The following HEPH variants were observed in gnomAD, a reference collection of about 807,000 sequenced individuals.
HEPH encodes hephaestin.
Under a neutral mutation model 80.8 loss-of-function variants are expected in HEPH, and 69 were observed. That is an observed-to-expected ratio of 0.85 (90% CI 0.70 to 1.04). The LOEUF is 1.04. HEPH is among the 50% of genes least tolerant of loss of function. The pLI is 0.00. For missense variants in HEPH, 1,115 were observed against 891.3 expected, an observed-to-expected ratio of 1.25 and a Z score of -3.20; for synonymous variants, 431 against 322.8, an observed-to-expected ratio of 1.34 and a Z score of -3.60.
chrX:66,262,188 A>G (rs2091388984), intron 19 of HEPH, among the ~76,000 whole-genome samples: 1 of 112,368 alleles, frequency 8.9e-6, no homozygotes, highest in Non-Finnish European at 1.9e-5. Flanking sequence ...AGAGTTGAAA[A>G]GACAGAGGGA....
chrX:66,237,909 A>G (rs2090424696), intron 15 of HEPH, among the ~76,000 whole-genome samples: 1 of 111,826 alleles, frequency 8.9e-6, no homozygotes, highest in African/African-American at 3.3e-5. Flanking sequence ...GTTGGTTTAA[A>G]GTCTGTTTTG....
At chrX:66,205,417 G>A (rs1044940816) in intron 13 of HEPH, among the ~76,000 whole-genome samples, 1 of 111,515 alleles carries the variant, frequency 9.0e-6, no homozygotes, top group African/African-American at 3.3e-5. Context: ...TGCTGAAAAG[G>A]ACATAATTTC....
At chrX:66,227,818 G>A (rs754785819) in intron 15 of HEPH, among the ~76,000 whole-genome samples, 2 of 111,206 alleles carry the variant, frequency 1.8e-5, no homozygotes, top group Non-Finnish European at 3.8e-5. Flanking sequence ...ATAGTTTAAA[G>A]TTGGGTAATG....
chrX:66,224,269 C>T (rs1167217222), intron 15 of HEPH, among the ~76,000 whole-genome samples: 1 of 111,200 alleles, frequency 9.0e-6, no homozygotes, highest in Non-Finnish European at 1.9e-5. Context: ...TTATCCTTTG[C>T]TATTAATCAG....
downstream of HEPH, chrX:66,268,861 A>T (rs1432429834): frequency 8.9e-6 from 1 of 111,825 alleles, no homozygotes; most frequent in Non-Finnish European, 1.9e-5. Flanking sequence ...ATCAGTGTCA[A>T]CACATCAGTG....
chrX:66,246,464 T>C (rs978687498), intron 15 of HEPH, among the ~76,000 whole-genome samples: 6 of 111,291 alleles, frequency 5.4e-5, no homozygotes, highest in Non-Finnish European at 7.5e-5. Flanking sequence ...TTAGTCTTTA[T>C]TGGGGCTGTG....
intron 15 of HEPH, among the ~76,000 whole-genome samples, chrX:66,212,252 A>G (rs2089172734): frequency 9.2e-6 from 1 of 109,176 alleles, no homozygotes; most frequent in African/African-American, 3.3e-5. Context: ...CTCCTGTCAA[A>G]TGAATACTTT....
intron 4 of HEPH, among the ~76,000 whole-genome samples, chrX:66,180,677 T>G (rs1240598598): frequency 1.2e-5 from 1 of 83,056 alleles, no homozygotes; most frequent in Admixed American, 1.5e-4. Context: ...ATTATTTGTT[T>G]GTACAGCTGT....
chrX:66,229,997 T>C (rs1324485159), intron 15 of HEPH, among the ~76,000 whole-genome samples: 1 of 95,117 alleles, frequency 1.1e-5, no homozygotes, highest in Non-Finnish European at 2.1e-5. Flanking sequence ...CATTGTTCAA[T>C]TCCCACCTAT....
intron 20 of HEPH, among the ~76,000 whole-genome samples, chrX:66,264,492 T>A (rs1254126981): frequency 1.8e-5 from 2 of 109,362 alleles, no homozygotes; most frequent in Non-Finnish European, 3.8e-5. Context: ...CCTTGAATAC[T>A]GTAGAGATTA....
At chrX:66,190,066 C>T (rs1296507258) in intron 6 of HEPH, 128 bp downstream of exon 6, 1 of 681,391 alleles carries the variant, frequency 1.5e-6, no homozygotes, top group Non-Finnish European at 2.1e-6. Context: ...TAAAGGATAG[C>T]ACACTAGATT....
chrX:66,259,212 C>A (rs1438490665), intron 18 of HEPH, among the ~76,000 whole-genome samples: 1 of 111,744 alleles, frequency 8.9e-6, no homozygotes, highest in Non-Finnish European at 1.9e-5. Flanking sequence ...GCCCATTTAT[C>A]AGTAAGGAGA....
chrX:66,204,982 T>C (rs192629993), intron 13 of HEPH, among the ~76,000 whole-genome samples: 1 of 112,082 alleles, frequency 8.9e-6, no homozygotes, highest in Non-Finnish European at 1.9e-5. Flanking sequence ...GGGTATATTG[T>C]GCAATGCTAC....
chrX:66,173,978 T>G (rs1257394753), intron 4 of HEPH, among the ~76,000 whole-genome samples, 177 bp downstream of exon 4: 1 of 110,721 alleles, frequency 9.0e-6, no homozygotes, highest in Non-Finnish European at 1.9e-5. Flanking sequence ...TTTTTTGCAA[T>G]TTCATTACTT....
At chrX:66,255,615 T>G (rs1363874637) in intron 16 of HEPH, among the ~76,000 whole-genome samples, 1 of 111,577 alleles carries the variant, frequency 9.0e-6, no homozygotes, top group Non-Finnish European at 1.9e-5. Context: ...CCTACCACAT[T>G]TTAGGCATTT....
intron 15 of HEPH, among the ~76,000 whole-genome samples, chrX:66,250,888 G>A (rs2090976178): frequency 1.8e-5 from 2 of 111,564 alleles, no homozygotes; most frequent in Non-Finnish European, 3.8e-5. Flanking sequence ...TCTGTATAGA[G>A]GCATTGATTG....
At chrX:66,187,145 T>TG (rs1569302447) in intron 4 of HEPH, among the ~76,000 whole-genome samples, 1 of 110,258 alleles carries the variant, frequency 9.1e-6, no homozygotes, top group Non-Finnish European at 1.9e-5. Context: ...TCTTATTTTT[T>TG]TTGTTGTTGT....
intron 15 of HEPH, among the ~76,000 whole-genome samples, chrX:66,216,171 A>G (rs1439777953): frequency 9.0e-6 from 1 of 111,363 alleles, no homozygotes; most frequent in Non-Finnish European, 1.9e-5. Context: ...CAACCTGACA[A>G]AACTGAACAC....
At chrX:66,225,362 A>G (rs1205996122) in intron 15 of HEPH, among the ~76,000 whole-genome samples, 1 of 112,135 alleles carries the variant, frequency 8.9e-6, no homozygotes, top group Admixed American at 9.5e-5. Context: ...TAAAAAGGGC[A>G]CATAAACACT....
Sources: allele counts gnomAD v4.1 joint callset (sites outside exome capture counted in the v4.1 genomes callset), GRCh38; gene constraint gnomAD v4.1.1; transcripts MANE v1.5; gene names NCBI Gene and HGNC (gene_info 2026-07-23, HGNC 2026-07-21).